ERBB4: variants seen among roughly 807,000 people sequenced by gnomAD.
ERBB4 encodes the protein receptor tyrosine-protein kinase erbB-4.
In ERBB4, 42 loss-of-function variants were observed where a neutral mutation model predicts 158.0. The ratio of observed to expected loss-of-function variants is 0.27; its 90% confidence interval spans 0.21 to 0.34. The LOEUF (loss-of-function observed/expected upper bound fraction) is 0.34. ERBB4 is among the 10% of genes least tolerant of loss of function. The probability of loss-of-function intolerance (pLI) is 1.00; values close to 1 mark genes in which losing one functional copy is unlikely to be tolerated. For synonymous variants in ERBB4, 583 were observed against 558.7 expected (o/e 1.04, Z -0.61); for missense variants, 1,333 against 1,624.1 (o/e 0.82, Z 3.08).
intron 9 of ERBB4, among the ~76,000 whole-genome samples, chr2:211,709,260 T>C (rs923459201): frequency 6.3e-4 from 83 of 132,280 alleles, no homozygotes; most frequent in Non-Finnish European, 7.0e-4. Flanking sequence ...TACACATATA[T>C]ATATATATAT....
chr2:211,640,396 A>G, intron 16 of ERBB4, among the ~76,000 whole-genome samples: 1 of 152,150 alleles, frequency 6.6e-6, no homozygotes, highest in Non-Finnish European at 1.5e-5. Flanking sequence ...TTGTGGGAAA[A>G]ATACCAGGAT....
At chr2:211,745,823 G>T (rs1030219606) in intron 5 of ERBB4, among the ~76,000 whole-genome samples, 1 of 150,874 alleles carries the variant, frequency 6.6e-6, no homozygotes, top group Non-Finnish European at 1.5e-5. Flanking sequence ...TCCCATGATA[G>T]AAACTGGAAA....
chr2:211,515,912 A>ATATT (rs35696520), intron 20 of ERBB4, among the ~76,000 whole-genome samples: 5 of 78,980 alleles, frequency 6.3e-5, no homozygotes, highest in Non-Finnish European at 7.2e-5. Context: ...ATATATATAT[A>ATATT]TTTTTTTTTT....
chr2:211,722,672 G>A, intron 6 of ERBB4, 138 bp from the exon 7 acceptor site: 1 of 945,616 alleles, frequency 1.1e-6, no homozygotes, highest in East Asian at 2.6e-5. Flanking sequence ...AGAGTCATGT[G>A]TGTTTCCAAA....
intron 20 of ERBB4, among the ~76,000 whole-genome samples, chr2:211,487,639 C>G (rs1319336235): frequency 6.6e-6 from 1 of 152,016 alleles, no homozygotes; most frequent in East Asian, 1.9e-4. Flanking sequence ...TTCCATTAGT[C>G]TAAAGCGTGG....
chr2:211,542,979 A>C (rs745503958), intron 20 of ERBB4, among the ~76,000 whole-genome samples: 8 of 152,014 alleles, frequency 5.3e-5, no homozygotes, highest in Non-Finnish European at 1.2e-4. Context: ...GTGGTGAATT[A>C]GTAAGTTGGC....
intron 1 of ERBB4, among the ~76,000 whole-genome samples, chr2:212,340,311 C>A (rs898342254): frequency 1.3e-5 from 2 of 152,100 alleles, no homozygotes; most frequent in African/African-American, 4.8e-5. Context: ...TCGTGGAAGA[C>A]AATTTTTCCA....
intron 1 of ERBB4, among the ~76,000 whole-genome samples, chr2:212,485,233 A>G (rs988510716): frequency 9.9e-5 from 15 of 152,184 alleles, no homozygotes; most frequent in Admixed American, 9.8e-4. Context: ...TATTAGCTCC[A>G]CATCACCTGC....
chr2:212,040,140 G>A (rs2077103752), intron 2 of ERBB4, among the ~76,000 whole-genome samples: 1 of 151,282 alleles, frequency 6.6e-6, no homozygotes, highest in Non-Finnish European at 1.5e-5. Flanking sequence ...AGAATTCAAT[G>A]TTTCAATCAG....
intron 3 of ERBB4, among the ~76,000 whole-genome samples, chr2:211,889,851 G>C (rs1439237212): frequency 6.6e-6 from 1 of 151,494 alleles, no homozygotes; most frequent in Non-Finnish European, 1.5e-5. Flanking sequence ...GGGAAGGTTA[G>C]AGAAAAAAGA....
At chr2:212,173,349 G>C (rs1469312382) in intron 1 of ERBB4, among the ~76,000 whole-genome samples, 2 of 152,236 alleles carry the variant, frequency 1.3e-5, no homozygotes, top group Admixed American at 1.3e-4. Context: ...GAAACAGAAA[G>C]AAGTAAGCCC....
At position 211,480,390 on chromosome 2, in the gene ERBB4, C is replaced by T. The variant is rs914968393; in HGVS notation, c.2488-49290G>A. ...ATCATGGGTACAAATTTCTCACTTA[C>T]TGTTCTTGTGATAGTGAGAGAGTTC... is the stretch of plus-strand genomic sequence containing the variant. On this transcript the variant is annotated intron_variant, in intron 20 of 27. Transcript: ENST00000342788. Among the ~76,000 whole-genome samples, 13 of 152,248 alleles carry T rather than the reference C, an allele frequency of 8.5e-5. 1 individual carries two copies. Among genetic ancestry groups the T allele is most frequent in the African/African-American group, 2.4e-4 (10 of 41,546 alleles).
intron 1 of ERBB4, among the ~76,000 whole-genome samples, chr2:212,282,970 T>C (rs2085815220): frequency 6.6e-6 from 1 of 151,906 alleles, no homozygotes. Flanking sequence ...ACCTATATTT[T>C]TGGGTCAGAG....
intron 1 of ERBB4, among the ~76,000 whole-genome samples, chr2:212,223,416 T>C (rs1004225877): frequency 1.3e-5 from 1 of 76,724 alleles, no homozygotes; most frequent in African/African-American, 6.0e-5. Flanking sequence ...TTATCAAATA[T>C]ATATATATAT....
At chr2:211,918,574 C>T (rs1279949711) in intron 3 of ERBB4, among the ~76,000 whole-genome samples, 1 of 152,074 alleles carries the variant, frequency 6.6e-6, no homozygotes, top group Non-Finnish European at 1.5e-5. Flanking sequence ...GATGTAATAC[C>T]ACGTTTGCGG....
intron 16 of ERBB4, among the ~76,000 whole-genome samples, chr2:211,655,084 A>G (rs1410037265): frequency 1.3e-5 from 2 of 152,214 alleles, no homozygotes; most frequent in Admixed American, 6.5e-5. Context: ...ATTAAGGACT[A>G]TAAGTGATCT....
chr2:211,527,614 A>T (rs1371300691), intron 20 of ERBB4, among the ~76,000 whole-genome samples: 1 of 152,082 alleles, frequency 6.6e-6, no homozygotes, highest in African/African-American at 2.4e-5. Context: ...GGACTAAAAG[A>T]TAAAGCAATC....
At chr2:211,419,897 C>T (rs1245149047) in intron 25 of ERBB4, among the ~76,000 whole-genome samples, 1 of 152,140 alleles carries the variant, frequency 6.6e-6, no homozygotes, top group East Asian at 1.9e-4. Context: ...CTTAAATCTA[C>T]TTCTTAAAAA....
chr2:212,003,112 AGAAGGAAGGAAGGAAG>A (rs1217270481), intron 2 of ERBB4, among the ~76,000 whole-genome samples: 2 of 48,146 alleles, frequency 4.2e-5, no homozygotes, highest in Admixed American at 7.3e-4. Flanking sequence ...AAAGAAAGAA[AGAAGGAAGGAAGGAAG>A]GAAGGAAGGA....
Sources: allele counts gnomAD v4.1 joint callset (sites outside exome capture counted in the v4.1 genomes callset), GRCh38; gene constraint gnomAD v4.1.1; transcripts MANE v1.5; gene names NCBI Gene and HGNC (gene_info 2026-07-23, HGNC 2026-07-21).